The following PITPNC1 variants were observed in gnomAD, a reference collection of about 807,000 sequenced individuals.
PITPNC1 encodes cytoplasmic phosphatidylinositol transfer protein 1.
Under a neutral mutation model 44.7 loss-of-function variants are expected in PITPNC1, and 18 were observed. The ratio of observed to expected loss-of-function variants is 0.40; its 90% CI spans 0.28 to 0.60. The LOEUF (loss-of-function observed/expected upper bound fraction) is 0.60, where lower values mean the gene tolerates loss of function less well. Ranked by LOEUF, PITPNC1 falls within the 20% of genes least tolerant of loss-of-function variation. The pLI, the probability that PITPNC1 is intolerant of heterozygous loss-of-function variation, is 0.39. For missense variants in PITPNC1, 290 were observed against 418.4 expected, an observed-to-expected ratio of 0.69 and a Z score of 2.68; for synonymous variants, 141 against 149.6, an observed-to-expected ratio of 0.94 and a Z score of 0.42.
At chr17:67,496,684 C>A (rs947289892) in intron 1 of PITPNC1, among the ~76,000 whole-genome samples, 1 of 151,980 alleles carries the variant, frequency 6.6e-6, no homozygotes, top group African/African-American at 2.4e-5. Flanking sequence ...GATTTTCAAC[C>A]CCAGACTCAT....
At chr17:67,621,492 G>A (rs1176772483) in intron 5 of PITPNC1, among the ~76,000 whole-genome samples, 1 of 152,148 alleles carries the variant, frequency 6.6e-6, no homozygotes, top group African/African-American at 2.4e-5. Flanking sequence ...ACAGGTGTGA[G>A]CCACTGCAGC....
rs764541111 is a variant in PITPNC1, at chr17:67,614,148, C to G, written c.367-17995C>G. The stretch of plus-strand genomic sequence containing the variant: ...GCTAGGCTTGTGGGTGCTTTCCCTT[C>G]CTTGGTGATACTAACATCTGTCGCT... On this transcript the variant is annotated intron_variant, in intron 5 of 8. Coordinates refer to ENST00000581322, the MANE Select transcript of PITPNC1 (RefSeq NM_012417.4). 7.3e-5 allele frequency among the ~76,000 whole-genome samples: 11 copies of G among 151,646 alleles called. 1 individual carries two copies. The highest frequency in any genetic ancestry group is 6.3e-4 in the South Asian group (3 of 4,770).
intron 1 of PITPNC1, among the ~76,000 whole-genome samples, chr17:67,525,855 C>T (rs2040385497): frequency 6.6e-6 from 1 of 152,202 alleles, no homozygotes; most frequent in Non-Finnish European, 1.5e-5. Context: ...CCAACATAGC[C>T]AGTGTGAGGC....
At chr17:67,387,432 G>A (rs1305379843) in intron 1 of PITPNC1, among the ~76,000 whole-genome samples, 2 of 152,250 alleles carry the variant, frequency 1.3e-5, no homozygotes, top group South Asian at 4.1e-4. Context: ...TTGGGGTGCC[G>A]AGGCAGACGG....
chr17:67,449,319 AT>A (rs1398108124), intron 1 of PITPNC1, among the ~76,000 whole-genome samples: 1 of 152,160 alleles, frequency 6.6e-6, no homozygotes, highest in Non-Finnish European at 1.5e-5. Context: ...GACTCAGAGA[AT>A]TGCTTTTGAT....
intron 8 of PITPNC1, among the ~76,000 whole-genome samples, chr17:67,686,158 C>T (rs1473382050): frequency 1.3e-5 from 2 of 151,194 alleles, no homozygotes; most frequent in African/African-American, 2.4e-5. Context: ...TGGATTAAGA[C>T]AGGGTTTCTC....
At chr17:67,637,495 T>C (rs72839416) in intron 6 of PITPNC1, among the ~76,000 whole-genome samples, 10,358 of 152,232 alleles carry the variant, frequency 0.068, 440 homozygotes, top group South Asian at 0.12. Context: ...CAGCTACTGT[T>C]GCACACACAC....
chr17:67,637,380 G>A (rs891247776), intron 6 of PITPNC1, among the ~76,000 whole-genome samples: 5 of 151,802 alleles, frequency 3.3e-5, no homozygotes, highest in Non-Finnish European at 5.9e-5. Flanking sequence ...AAATAGAAAC[G>A]CTCTTTATGT....
intron 5 of PITPNC1, among the ~76,000 whole-genome samples, chr17:67,583,651 G>A (rs2041265989): frequency 6.6e-6 from 1 of 151,388 alleles, no homozygotes; most frequent in African/African-American, 2.4e-5. Context: ...TCCCAGCCCT[G>A]GGGATTCTGA....
At chr17:67,688,074 C>T (rs1209092059) in intron 8 of PITPNC1, among the ~76,000 whole-genome samples, 1 of 149,888 alleles carries the variant, frequency 6.7e-6, no homozygotes, top group Non-Finnish European at 1.5e-5. Flanking sequence ...CGCGGTGGCT[C>T]ATGCCTGTAA....
Position 67,676,488 on chromosome 17 carries a change from A to G in PITPNC1, c.682+946A>G, listed in dbSNP as rs936745127. Among the ~76,000 whole-genome samples, 1 of 152,178 alleles carries G rather than the reference A, an allele frequency of 6.6e-6. No individual in the cohort carries two copies. Among genetic ancestry groups the G allele is most frequent in the African/African-American group, 2.4e-5 (1 of 41,446 alleles). On this transcript the variant is annotated intron_variant, in intron 8 of 8. Coordinates refer to ENST00000581322, the MANE Select transcript of PITPNC1 (RefSeq NM_012417.4). The surrounding 1 kb of genome is among the most constrained non-coding windows in gnomAD (Gnocchi z 4.0). ...ATTTTCTGCACTCCCAGAATCAGTC[A>G]TCAGATGGCTACCGTCCTTGGCTAT...
intron 5 of PITPNC1, among the ~76,000 whole-genome samples, chr17:67,622,759 C>T (rs574064617): frequency 1.6e-4 from 25 of 151,790 alleles, no homozygotes; most frequent in Non-Finnish European, 2.5e-4. Flanking sequence ...GCCTGTAGTC[C>T]CAGCTACTTG....
rs1165829703 is a variant in PITPNC1, at chr17:67,452,412, G to C, written c.48+74210G>C. ...TGATAGAGATTTGTTTCTAATTCGG[G>C]GCTACTGTGAATATTGCTGCTGTGA... On this transcript the variant is annotated intron_variant, in intron 1 of 8. Transcript: ENST00000581322. 2.0e-5 allele frequency among the ~76,000 whole-genome samples: 3 copies of C among 151,930 alleles called. No individual in the cohort carries two copies. In the East Asian group the frequency reaches 6.0e-4, roughly 30 times the overall value.
intron 2 of PITPNC1, among the ~76,000 whole-genome samples, chr17:67,546,295 GTATA>G (rs67276045): frequency 0.89 from 133,378 of 149,636 alleles, 59,996 homozygotes; most frequent in Non-Finnish European, 0.96. Context: ...GACTATATAT[GTATA>G]TATATATATA....
At chr17:67,392,991 A>G (rs1358246207) in intron 1 of PITPNC1, among the ~76,000 whole-genome samples, 2 of 151,978 alleles carry the variant, frequency 1.3e-5, no homozygotes, top group Admixed American at 6.6e-5. Flanking sequence ...TTAGCCGGGC[A>G]TGGTGGTGCA....
intron 1 of PITPNC1, among the ~76,000 whole-genome samples, chr17:67,458,845 T>G (rs1010926313): frequency 6.6e-6 from 1 of 152,184 alleles, no homozygotes; most frequent in Non-Finnish European, 1.5e-5. Context: ...CATTGCTTCT[T>G]CTAGAGATCT....
chr17:67,516,700 C>T (rs1233966214), intron 1 of PITPNC1, among the ~76,000 whole-genome samples: 1 of 152,162 alleles, frequency 6.6e-6, no homozygotes, highest in Non-Finnish European at 1.5e-5. Context: ...ATCTTCACTG[C>T]AATCACCTCC....
intron 5 of PITPNC1, among the ~76,000 whole-genome samples, chr17:67,599,914 T>C (rs763703473): frequency 6.6e-6 from 1 of 152,152 alleles, no homozygotes; most frequent in African/African-American, 2.4e-5. Flanking sequence ...CAAAGTGATA[T>C]TGCTGGACTC....
intron 1 of PITPNC1, among the ~76,000 whole-genome samples, chr17:67,474,816 G>A (rs114133985): frequency 0.052 from 7,858 of 151,678 alleles, 256 homozygotes; most frequent in Middle Eastern, 0.11. Context: ...CACCATGCCC[G>A]GCGGCTTTTT....
Sources: gnomAD v4.1 joint callset for allele counts (sites outside exome capture counted in the v4.1 genomes callset) on GRCh38, gnomAD v4.1.1 for gene constraint, Gnocchi (gnomAD v3.1) non-coding constraint, MANE v1.5 for transcripts, NCBI Gene and HGNC (gene_info 2026-07-23, HGNC 2026-07-21) for gene names.